Variants in SLC25A15 observed in about 807,000 individuals in gnomAD.
SLC25A15 encodes the protein solute carrier family 25 member 15.
A neutral mutation model predicts 32.3 loss-of-function variants in SLC25A15; 24 were observed. That is an observed-to-expected ratio of 0.74 (90% CI 0.54 to 1.04). SLC25A15 has a LOEUF of 1.04. SLC25A15 is among the 50% of genes least tolerant of loss of function. SLC25A15 has a pLI of 0.00. For missense variants in SLC25A15, 317 were observed against 374.5 expected, an observed-to-expected ratio of 0.85 and a Z score of 1.27; for synonymous variants, 132 against 142.1, an observed-to-expected ratio of 0.93 and a Z score of 0.51.
intron 2 of SLC25A15, among the ~76,000 whole-genome samples, chr13:40,797,486 A>G (rs1251220867): frequency 6.6e-6 from 1 of 152,208 alleles, no homozygotes; most frequent in Non-Finnish European, 1.5e-5. Context: ...ATTACCTGGG[A>G]GAGAATGACT....
At chr13:40,807,254 AC>A (rs1230363865) in intron 4 of SLC25A15, 39 bp from the exon 5 acceptor site, 1 of 1,600,690 alleles carries the variant, frequency 6.2e-7, no homozygotes, top group Non-Finnish European at 8.6e-7. Flanking sequence ...CTTCCTTCCC[AC>A]CTGCTGTAAC....
chr13:40,810,390 T>C lies in SLC25A15; in HGVS notation c.*723T>C, dbSNP rs559212233. 3.3e-5 allele frequency among the ~76,000 whole-genome samples: 5 copies of C among 152,320 alleles called. No individual in the cohort carries two copies. The South Asian group carries it at 8.3e-4, about 25-fold the overall frequency. Reference sequence around the variant, plus strand: ...GTTGTCCAGGTTGGTCTCGAACTCCTGACCTCAAGTGATCCGCCCACCTCG... The same window carrying C: ...GTTGTCCAGGTTGGTCTCGAACTCCCGACCTCAAGTGATCCGCCCACCTCG... On this transcript the variant is annotated 3_prime_UTR_variant, in exon 7 of 7. Coordinates refer to ENST00000338625, the MANE Select transcript of SLC25A15 (RefSeq NM_014252.4).
intron 2 of SLC25A15, among the ~76,000 whole-genome samples, chr13:40,795,125 TC>T (rs1881628927): frequency 6.6e-6 from 1 of 151,712 alleles, no homozygotes; most frequent in Non-Finnish European, 1.5e-5. Context: ...CAAGCCCCTT[TC>T]CCCCTCCCCT....
At chr13:40,806,773 A>G (rs889722385) in intron 4 of SLC25A15, among the ~76,000 whole-genome samples, 1 of 152,198 alleles carries the variant, frequency 6.6e-6, no homozygotes, top group African/African-American at 2.4e-5. Flanking sequence ...GGTTGCCCTC[A>G]ATCATGAAGG....
Position 40,807,874 on chromosome 13 carries a change from G to A in SLC25A15, c.622+411G>A, listed in dbSNP as rs140458715. 8.5e-4 allele frequency among the ~76,000 whole-genome samples: 129 copies of A among 152,316 alleles called. 2 individuals carry two copies. Among genetic ancestry groups the A allele is most frequent in the African/African-American group, 2.8e-3 (116 of 41,568 alleles). On this transcript the variant is annotated intron_variant, in intron 5 of 6. Coordinates refer to ENST00000338625, the MANE Select transcript of SLC25A15 (RefSeq NM_014252.4). ...ACCATAGTTCTTTGTAGCTTATCGT[G>A]TTTAGCTGGTTGGTACAACTACATG... is the stretch of plus-strand genomic sequence containing the variant.
At chr13:40,793,018 T>C in intron 1 of SLC25A15, 140 bp from the exon 2 acceptor site, 2 of 618,090 alleles carry the variant, frequency 3.2e-6, no homozygotes, top group South Asian at 3.5e-5. Flanking sequence ...GCTGCACTGA[T>C]ACCTTGAGCC....
intron 2 of SLC25A15, 28 bp from the exon 3 acceptor site, chr13:40,799,029 C>G (rs781152683): frequency 2.5e-6 from 4 of 1,614,146 alleles, no homozygotes; most frequent in Middle Eastern, 1.6e-4. Flanking sequence ...TAGCCTCGTA[C>G]TAGAGCAGTC....
In SLC25A15 at chr13:40,811,216, C is replaced by T. The variant is rs1882434961; in HGVS notation, c.*1549C>T. Among the ~76,000 whole-genome samples, 1 of 152,188 alleles carries T rather than the reference C, an allele frequency of 6.6e-6. No individual in the cohort carries two copies. The highest frequency in any genetic ancestry group is 1.5e-5 in the Non-Finnish European group (1 of 68,042). ...ATAAGAAAAGCAATTGTAGGCCAGG[C>T]GCAGTGGCTCACGCCTATAATCCCA... On this transcript the variant is annotated 3_prime_UTR_variant, in exon 7 of 7. Coordinates refer to ENST00000338625, the MANE Select transcript of SLC25A15 (RefSeq NM_014252.4).
intron 2 of SLC25A15, among the ~76,000 whole-genome samples, chr13:40,795,216 G>A (rs923204328): frequency 4.6e-5 from 7 of 152,208 alleles, no homozygotes; most frequent in African/African-American, 7.2e-5. Flanking sequence ...TCTCACCAGC[G>A]AGTGAATGCT....
intron 2 of SLC25A15, among the ~76,000 whole-genome samples, chr13:40,795,324 T>C (rs1380504337): frequency 1.3e-5 from 2 of 152,276 alleles, no homozygotes; most frequent in Non-Finnish European, 2.9e-5. Context: ...GTCAAAGATC[T>C]AGAACCTATG....
At position 40,805,231 on chromosome 13, in the gene SLC25A15, C is replaced by T. The variant is rs777568380; in HGVS notation, c.428C>T (p.Ser143Leu). 1.9e-6 allele frequency: 3 copies of T among 1,614,194 alleles called. No individual in the cohort carries two copies. The highest frequency in any genetic ancestry group is 2.5e-6 in the Non-Finnish European group (3 of 1,180,042). The change falls in exon 4 of 7, where the codon TCA (serine) becomes TTA (leucine). Residue 143 changes from serine to leucine, a missense_variant. Coordinates refer to ENST00000338625, the MANE Select transcript of SLC25A15 (RefSeq NM_014252.4). ...RLQTMYEMET[S>L]GKIAKSQNTV... ...CAGACCATGTATGAGATGGAGACAT[C>T]AGGGAAGATAGCCAAGAGCCAGAAG...
At chr13:40,796,713 T>C (rs1881679932) in intron 2 of SLC25A15, among the ~76,000 whole-genome samples, 1 of 152,178 alleles carries the variant, frequency 6.6e-6, no homozygotes, top group Non-Finnish European at 1.5e-5. Flanking sequence ...GGTCCTGTGG[T>C]GTGAGTCTGC....
intron 2 of SLC25A15, among the ~76,000 whole-genome samples, chr13:40,796,791 TA>T (rs761999673): frequency 2.6e-5 from 4 of 152,034 alleles, no homozygotes; most frequent in African/African-American, 4.8e-5. Context: ...CCTGCCCTGA[TA>T]GATTTCCTCT....
intron 4 of SLC25A15, 127 bp from the exon 5 acceptor site, chr13:40,807,167 T>C: frequency 1.1e-6 from 1 of 891,566 alleles, no homozygotes; most frequent in Non-Finnish European, 1.9e-6. Context: ...TTCCTGGCTC[T>C]TCATTTACAA....
In SLC25A15 at chr13:40,794,363, T is replaced by C. The variant is rs116655604; in HGVS notation, c.55+1082T>C. 3.9e-3 allele frequency among the ~76,000 whole-genome samples: 586 copies of C among 150,206 alleles called. 2 individuals carry two copies. Among genetic ancestry groups the C allele is most frequent in the African/African-American group, 0.014 (570 of 40,956 alleles). On this transcript the variant is annotated intron_variant, in intron 2 of 6. Coordinates refer to ENST00000338625, the MANE Select transcript of SLC25A15 (RefSeq NM_014252.4). ...CTCAAAAAAAAAAAAAAAAGACATGTCTCTGAAAATGAGACTGATAATGGA... is the reference window on the plus strand; with the variant it reads ...CTCAAAAAAAAAAAAAAAAGACATGCCTCTGAAAATGAGACTGATAATGGA...
intron 1 of SLC25A15, among the ~76,000 whole-genome samples, chr13:40,791,568 A>C (rs1343414482): frequency 6.6e-6 from 1 of 151,852 alleles, no homozygotes; most frequent in African/African-American, 2.4e-5. Flanking sequence ...ATATTCGTCA[A>C]GCTGGTCTCA....
intron 2 of SLC25A15, 37 bp downstream of exon 2, chr13:40,793,318 T>C (rs763063929): frequency 3.2e-6 from 5 of 1,546,852 alleles, no homozygotes; most frequent in Non-Finnish European, 4.5e-6. Context: ...TTTCTGTCGT[T>C]GATGGATGGT....
At position 40,805,190 on chromosome 13, in the gene SLC25A15, C is replaced by T. The variant is rs151093794; in HGVS notation, c.387C>T (p.Leu129=). 13 of 1,614,114 alleles carry T rather than the reference C, an allele frequency of 8.1e-6. No individual in the cohort carries two copies. The highest frequency in any genetic ancestry group is 5.0e-5 in the Admixed American group (3 of 60,018). ...CACTGGTGCTCTGCCCCACGGAGCT[C>T]GTGAAGTGCCGGCTGCAGACCATGT... ...FAALVLCPTE[L]VKCRLQTMYE... The change falls in exon 4 of 7, where the codon CTC becomes CTT. Residue 129 remains leucine, a synonymous_variant. Transcript: ENST00000338625.
chr13:40,802,677 C>T (rs1210839048), intron 3 of SLC25A15, among the ~76,000 whole-genome samples: 1 of 151,718 alleles, frequency 6.6e-6, no homozygotes. Flanking sequence ...CCAGTTCAAG[C>T]AATTCTCCTG....
Sources: allele counts gnomAD v4.1 joint callset (sites outside exome capture counted in the v4.1 genomes callset), GRCh38; gene constraint gnomAD v4.1.1; transcripts MANE v1.5; gene names NCBI Gene and HGNC (gene_info 2026-07-23, HGNC 2026-07-21).